Variants in MALAT1 observed in about 807,000 individuals in gnomAD.
The protein encoded by MALAT1 is metastasis associated lung adenocarcinoma transcript 1.
exon 3 of MALAT1, chr11:65,500,084 G>A (rs752693099): frequency 2.2e-6 from 1 of 457,216 alleles, no homozygotes; most frequent in South Asian, 1.6e-5. Flanking sequence ...AGAAGATGAG[G>A]GTGTTTACGT....
chr11:65,504,701 A>G (rs767704494), intron 3 of MALAT1: 12 of 518,906 alleles, frequency 2.3e-5, no homozygotes, highest in South Asian at 5.6e-5. Flanking sequence ...CAAACAAGCA[A>G]CAGTCTTCAA....
intron 1 of MALAT1, chr11:65,497,889 G>T (rs780295811): frequency 3.9e-6 from 2 of 518,596 alleles, no homozygotes; most frequent in Non-Finnish European, 7.7e-6. Context: ...GACGCCTCCG[G>T]GAGCCCAGGT....
chr11:65,499,118 T>G, exon 3 of MALAT1: 1 of 518,048 alleles, frequency 1.9e-6, no homozygotes, highest in Non-Finnish European at 3.9e-6. Context: ...CAGATAAGTT[T>G]TTTTCTCTTT....
At chr11:65,501,412 A>G (rs1854542293) in exon 3 of MALAT1, 1 of 517,784 alleles carries the variant, frequency 1.9e-6, no homozygotes, top group Non-Finnish European at 3.9e-6. Flanking sequence ...GGTCTGTGGA[A>G]GAGATGTCCA....
At chr11:65,505,125 C>CTG in intron 3 of MALAT1, 1 of 518,972 alleles carries the variant, frequency 1.9e-6, no homozygotes, top group Non-Finnish European at 3.8e-6. Flanking sequence ...TGTGAGCAAA[C>CTG]TGTGTTGGCG....
chr11:65,497,910 C>G, intron 1 of MALAT1: 1 of 518,784 alleles, frequency 1.9e-6, no homozygotes, highest in South Asian at 1.4e-5. Context: ...TTCCCAGAGT[C>G]CTTGGGACGC....
chr11:65,501,890 G>C (rs752670338), exon 3 of MALAT1: 1 of 517,278 alleles, frequency 1.9e-6, no homozygotes, highest in Admixed American at 2.0e-5. Context: ...GTTACGGTTG[G>C]GATTGGTGGG....
chr11:65,505,852 G>GT (rs1203879316), intron 3 of MALAT1: 1 of 469,218 alleles, frequency 2.1e-6, no homozygotes, highest in Non-Finnish European at 4.2e-6. Flanking sequence ...GTAATGCTGG[G>GT]TGGGAACATG....
At chr11:65,504,910 T>C (rs1363400152) in intron 3 of MALAT1, 1 of 518,876 alleles carries the variant, frequency 1.9e-6, no homozygotes, top group Admixed American at 1.9e-5. Flanking sequence ...AACCAAACAT[T>C]CCATTTTAAA....
At chr11:65,505,167 CTTT>C (rs752288826) in intron 3 of MALAT1, 4 of 518,692 alleles carry the variant, frequency 7.7e-6, no homozygotes, top group East Asian at 5.4e-5. Flanking sequence ...GGCGCTAAGC[CTTT>C]TTTTAAGATT....
At chr11:65,499,016 A>G (rs567584153) in exon 3 of MALAT1, 18 of 518,784 alleles carry the variant, frequency 3.5e-5, no homozygotes, top group South Asian at 2.2e-4. Context: ...TTCTCCGTCT[A>G]TAAATACGCC....
exon 3 of MALAT1, chr11:65,500,795 T>G (rs1854528106): frequency 1.9e-6 from 1 of 518,798 alleles, no homozygotes; most frequent in Non-Finnish European, 3.8e-6. Context: ...AATATGTTGT[T>G]TTTCTGGAAC....
intron 1 of MALAT1, chr11:65,498,034 G>A (rs145597021): frequency 2.0e-4 from 104 of 518,936 alleles, no homozygotes; most frequent in African/African-American, 2.0e-3. Context: ...TTGGAGGAAA[G>A]CTTTTATTTT....
At chr11:65,497,944 T>C (rs1420905240) in intron 1 of MALAT1, 1 of 518,860 alleles carries the variant, frequency 1.9e-6, no homozygotes, top group Non-Finnish European at 3.8e-6. Context: ...GCTGCTATCT[T>C]AGCTGTCCTT....
chr11:65,505,456 G>A (rs770879953), intron 3 of MALAT1: 1 of 512,978 alleles, frequency 1.9e-6, no homozygotes. Context: ...CTCAAGCGGT[G>A]CTTGAAGGGG....
intron 3 of MALAT1, chr11:65,505,556 C>G (rs576995154): frequency 1.9e-6 from 1 of 515,600 alleles, no homozygotes; most frequent in Non-Finnish European, 3.9e-6. Context: ...ACTTCTCTGC[C>G]ACATCGCCAC....
At chr11:65,501,412 A>AGAGATGT (rs747363359) in exon 3 of MALAT1, 5 of 517,784 alleles carry the variant, frequency 9.7e-6, no homozygotes, top group South Asian at 7.0e-5. Context: ...GGTCTGTGGA[A>AGAGATGT]GAGATGTCCA....
At chr11:65,504,308 C>CT (rs36002528) in intron 3 of MALAT1, 16,141 of 447,886 alleles carry the variant, frequency 0.036, 33 homozygotes, top group South Asian at 0.036. Context: ...CTTGTTGTAG[C>CT]TTTTTTTTTT....
intron 3 of MALAT1, chr11:65,504,883 C>G: frequency 1.9e-6 from 1 of 518,830 alleles, no homozygotes; most frequent in South Asian, 1.4e-5. Flanking sequence ...GAAAAAATAG[C>G]CTATTTACTT....
Sources: gnomAD v4.1 joint callset for allele counts on GRCh38, gnomAD v4.1.1 for gene constraint, MANE v1.5 for transcripts, NCBI Gene and HGNC (gene_info 2026-07-23, HGNC 2026-07-21) for gene names.